COLEC10: variants seen among roughly 807,000 people sequenced by gnomAD.
COLEC10 encodes collectin subfamily member 10.
In COLEC10, 22 loss-of-function variants were observed where a neutral mutation model predicts 28.4. The observed-to-expected ratio is 0.78, with a 90% confidence interval of 0.55 to 1.11. The LOEUF is 1.11. Among genes scored for constraint, COLEC10 ranks in the 50% least tolerant of loss-of-function variants. The pLI, the probability that COLEC10 is intolerant of heterozygous loss-of-function variation, is 0.00. For missense variants in COLEC10, 361 were observed against 344.1 expected, an observed-to-expected ratio of 1.05 and a Z score of -0.39; for synonymous variants, 125 against 116.1, an observed-to-expected ratio of 1.08 and a Z score of -0.49.
intron 2 of COLEC10, among the ~76,000 whole-genome samples, chr8:119,029,145 C>T (rs930321843): frequency 7.2e-5 from 11 of 152,104 alleles, no homozygotes; most frequent in Admixed American, 6.6e-4. Flanking sequence ...ACAGGGTTCC[C>T]AAAGGGATTT....
chr8:119,012,085 A>G (rs941034922), intron 2 of COLEC10, among the ~76,000 whole-genome samples: 8 of 150,888 alleles, frequency 5.3e-5, no homozygotes, highest in Admixed American at 2.6e-4. Flanking sequence ...GTAAGTACGA[A>G]GTTAGCAGTA....
At chr8:119,012,378 T>C (rs1813914511) in intron 2 of COLEC10, among the ~76,000 whole-genome samples, 1 of 150,868 alleles carries the variant, frequency 6.6e-6, no homozygotes, top group Non-Finnish European at 1.5e-5. Flanking sequence ...GTTAATATTT[T>C]ATTGAAGATT....
chr8:118,991,307 A>G (rs1361273070), upstream of COLEC10, among the ~76,000 whole-genome samples: 2 of 152,186 alleles, frequency 1.3e-5, no homozygotes, highest in Admixed American at 6.5e-5. Context: ...AACTACCTCA[A>G]TAATAAAATG....
chr8:119,051,607 A>T (rs528573582), intron 2 of COLEC10, among the ~76,000 whole-genome samples: 37 of 152,350 alleles, frequency 2.4e-4, no homozygotes, highest in African/African-American at 8.7e-4. Flanking sequence ...GAATGAATCA[A>T]TGAATACGCA....
At chr8:118,955,442 G>A in the COLEC10 span, among the ~76,000 whole-genome samples, 2 of 152,148 alleles carry the variant, frequency 1.3e-5, no homozygotes, top group South Asian at 2.1e-4. Context: ...GAACGTGTTG[G>A]ACTAGGGGTA....
intron 2 of COLEC10, among the ~76,000 whole-genome samples, chr8:119,024,802 A>G (rs140995369): frequency 3.7e-4 from 56 of 152,280 alleles, no homozygotes; most frequent in African/African-American, 1.3e-3. Context: ...ACAGAAAGAG[A>G]ATAATATGAT....
At chr8:118,958,122 A>G in the COLEC10 span, among the ~76,000 whole-genome samples, 1 of 152,200 alleles carries the variant, frequency 6.6e-6, no homozygotes, top group African/African-American at 2.4e-5. Flanking sequence ...AAAGAATGGG[A>G]CTTGGCTCCA....
At chr8:119,065,701 A>G (rs1814940629), upstream of COLEC10, among the ~76,000 whole-genome samples, 2 of 151,818 alleles carry the variant, frequency 1.3e-5, no homozygotes, top group African/African-American at 2.4e-5. Flanking sequence ...TACTAAAAAT[A>G]CAAAAAATTA....
At chr8:118,970,349 T>C in the COLEC10 span, among the ~76,000 whole-genome samples, 1 of 152,018 alleles carries the variant, frequency 6.6e-6, no homozygotes, top group Non-Finnish European at 1.5e-5. Context: ...TCTCGATGAC[T>C]GTAGTTCCAG....
intron 2 of COLEC10, among the ~76,000 whole-genome samples, chr8:119,039,781 G>A (rs908263619): frequency 2.0e-5 from 3 of 152,250 alleles, no homozygotes; most frequent in Admixed American, 2.0e-4. Context: ...AGCAACATCT[G>A]ACCAAGTCCT....
At chr8:118,970,220 A>T in the COLEC10 span, among the ~76,000 whole-genome samples, 1 of 152,074 alleles carries the variant, frequency 6.6e-6, no homozygotes, top group Admixed American at 6.6e-5. Context: ...AGTAGCCATA[A>T]TCCTATTTAA....
In COLEC10 at chr8:119,031,178, C is replaced by T. The variant is rs182599875; in HGVS notation, n.235+21625C>T. Among the ~76,000 whole-genome samples the T allele has an allele frequency of 8.9e-4, 136 of 152,240 alleles. 2 individuals are homozygous for T. Among genetic ancestry groups the T allele is most frequent in the Non-Finnish European group, 5.4e-4 (37 of 68,024 alleles). On this transcript the variant is annotated intron_variant and non_coding_transcript_variant, in intron 2 of 6. Transcript: ENST00000521788. ...AAGTTCCGTCTCTGAAGTACATAGACCAAATGAAATATCATGTGGCAGTGA... is the reference window on the plus strand; with the variant it reads ...AAGTTCCGTCTCTGAAGTACATAGATCAAATGAAATATCATGTGGCAGTGA...
At chr8:119,082,436 C>T (rs770519260) in intron 1 of COLEC10, among the ~76,000 whole-genome samples, 111 of 152,310 alleles carry the variant, frequency 7.3e-4, no homozygotes, top group Non-Finnish European at 1.2e-3. Context: ...AATTATTGAG[C>T]AATCACCTAT....
chr8:119,100,113 T>C (rs887625937), intron 3 of COLEC10, among the ~76,000 whole-genome samples: 1 of 152,198 alleles, frequency 6.6e-6, no homozygotes, highest in South Asian at 2.1e-4. Context: ...TGATGAGGAC[T>C]GCTATTCTTT....
intron 1 of COLEC10, among the ~76,000 whole-genome samples, chr8:119,083,078 C>CTCGT (rs1815399060): frequency 2.0e-5 from 3 of 152,132 alleles, no homozygotes; most frequent in Admixed American, 6.6e-5. Context: ...GAGGTCAACA[C>CTCGT]AAACCAAACT....
rs114430513 is a variant in COLEC10, at chr8:119,023,047, T to C, written n.235+13494T>C. ...GGTAATTCCTGGTCTATCCCAGATA[T>C]ACACATGGTTTATATCTCTCTTGCT... On this transcript the variant is annotated intron_variant and non_coding_transcript_variant, in intron 2 of 6. Transcript: ENST00000521788. Among the ~76,000 whole-genome samples the C allele has an allele frequency of 4.3e-3, 655 of 152,264 alleles. 10 individuals are homozygous for C. Among genetic ancestry groups the C allele is most frequent in the African/African-American group, 0.015 (616 of 41,558 alleles).
intron 3 of COLEC10, among the ~76,000 whole-genome samples, chr8:119,098,432 G>A (rs1815762955): frequency 6.6e-6 from 1 of 152,002 alleles, no homozygotes; most frequent in Admixed American, 6.6e-5. Context: ...CAGGTACATA[G>A]CACCTAATAC....
intron 1 of COLEC10, among the ~76,000 whole-genome samples, chr8:119,079,714 A>G (rs1178349781): frequency 6.6e-6 from 1 of 151,422 alleles, no homozygotes; most frequent in Non-Finnish European, 1.5e-5. Flanking sequence ...ACAAAAAAAG[A>G]TACTTTGTAA....
intron 3 of COLEC10, 139 bp from the exon 4 acceptor site, chr8:119,102,209 T>TCCC: frequency 9.9e-5 from 8 of 80,920 alleles, no homozygotes; most frequent in Non-Finnish European, 1.5e-4. Context: ...AATTCACTCC[T>TCCC]TCCTCCCTCC....
Sources: gnomAD v4.1 joint callset for allele counts (sites outside exome capture counted in the v4.1 genomes callset) on GRCh38, gnomAD v4.1.1 for gene constraint, MANE v1.5 for transcripts, NCBI Gene and HGNC (gene_info 2026-07-23, HGNC 2026-07-21) for gene names.